ATP9B: variants seen among roughly 807,000 people sequenced by gnomAD.
ATP9B encodes ATPase phospholipid transporting 9B.
Under a neutral mutation model 146.1 loss-of-function variants are expected in ATP9B, and 110 were observed. That is an observed-to-expected ratio of 0.75 (90% CI 0.65 to 0.88). The LOEUF (loss-of-function observed/expected upper bound fraction) is 0.88, where lower values mean the gene tolerates loss of function less well. Among genes scored for constraint, ATP9B ranks in the 40% least tolerant of loss-of-function variants. ATP9B has a pLI of 0.00. For missense variants in ATP9B, 1,499 were observed against 1,496.4 expected (o/e 1.00, Z -0.03); for synonymous variants, 604 against 569.7 (o/e 1.06, Z -0.86).
chr18:79,088,898 A>G (rs1049892522), intron 1 of ATP9B, among the ~76,000 whole-genome samples: 27 of 152,228 alleles, frequency 1.8e-4, no homozygotes, highest in African/African-American at 6.3e-4. Flanking sequence ...CAGAAATAAA[A>G]AGCTTTCAAT....
intron 11 of ATP9B, among the ~76,000 whole-genome samples, chr18:79,216,692 CTTCTT>C (rs1175416573): frequency 1.3e-5 from 2 of 152,196 alleles, no homozygotes; most frequent in East Asian, 1.9e-4. Flanking sequence ...TTCTCTCCCT[CTTCTT>C]TTCTTTTCCC....
intron 12 of ATP9B, among the ~76,000 whole-genome samples, chr18:79,262,455 G>A (rs2096153060): frequency 6.6e-6 from 1 of 151,980 alleles, no homozygotes; most frequent in Admixed American, 6.6e-5. Flanking sequence ...AATAGTGCTG[G>A]GGAACAGAGA....
At chr18:79,337,542 G>C (rs952926517) in intron 19 of ATP9B, 93 bp downstream of exon 19, 10 of 1,490,972 alleles carry the variant, frequency 6.7e-6, no homozygotes, top group Admixed American at 2.2e-5. Flanking sequence ...ACTCCTGTGG[G>C]GTCATGGATG....
At chr18:79,069,944 AAC>A (rs1203647802) in intron 1 of ATP9B, among the ~76,000 whole-genome samples, 2 of 152,226 alleles carry the variant, frequency 1.3e-5, no homozygotes, top group African/African-American at 2.4e-5. Flanking sequence ...CTTTGTTAAA[AAC>A]ACACTTCTTA....
At chr18:79,086,701 A>T (rs2073868546) in intron 1 of ATP9B, among the ~76,000 whole-genome samples, 1 of 152,116 alleles carries the variant, frequency 6.6e-6, no homozygotes, top group Admixed American at 6.5e-5. Flanking sequence ...TTCTCAATTT[A>T]TGTATAGCAG....
chr18:79,348,008 G>C, intron 24 of ATP9B, 83 bp downstream of exon 24: 1 of 1,599,080 alleles, frequency 6.3e-7, no homozygotes, highest in Non-Finnish European at 8.5e-7. Context: ...CCGGGAGTGG[G>C]GGTGCTGAGT....
chr18:79,355,935 G>A (rs2096949804), intron 25 of ATP9B, among the ~76,000 whole-genome samples: 1 of 152,220 alleles, frequency 6.6e-6, no homozygotes. Context: ...AAGTGCCGGA[G>A]AAAGGCCTCA....
At chr18:79,258,884 A>G (rs2096112117) in intron 12 of ATP9B, among the ~76,000 whole-genome samples, 1 of 152,232 alleles carries the variant, frequency 6.6e-6, no homozygotes, top group Non-Finnish European at 1.5e-5. Flanking sequence ...GATTTGGGAA[A>G]TTAAAGTTCA....
At chr18:79,121,115 A>C (rs1055805129) in intron 4 of ATP9B, among the ~76,000 whole-genome samples, 1 of 152,238 alleles carries the variant, frequency 6.6e-6, no homozygotes, top group Non-Finnish European at 1.5e-5. Flanking sequence ...CATTTAGGAT[A>C]CTTGGAAAAG....
At chr18:79,311,930 G>A (rs2096654689) in intron 15 of ATP9B, among the ~76,000 whole-genome samples, 1 of 152,192 alleles carries the variant, frequency 6.6e-6, no homozygotes, top group Non-Finnish European at 1.5e-5. Context: ...TCTGTCCCCG[G>A]TGTGGCTGGG....
intron 8 of ATP9B, among the ~76,000 whole-genome samples, chr18:79,186,622 G>A (rs1036364548): frequency 6.6e-6 from 1 of 152,154 alleles, no homozygotes; most frequent in Non-Finnish European, 1.5e-5. Context: ...TCACTTGACT[G>A]CTTATTAAAC....
At chr18:79,231,776 GTGTATA>G (rs1341086605) in intron 11 of ATP9B, among the ~76,000 whole-genome samples, 12 of 94,996 alleles carry the variant, frequency 1.3e-4, no homozygotes, top group South Asian at 1.2e-3. Context: ...ATGTGTGTGT[GTGTATA>G]TATATATATA....
At position 79,213,849 on chromosome 18, in the gene ATP9B, A is replaced by G. The variant is rs1301709060; in HGVS notation, c.1031-113A>G. 1.2e-5 allele frequency: 9 copies of G among 778,312 alleles called. No individual in the cohort carries two copies. In the East Asian group the frequency reaches 2.9e-4, roughly 25 times the overall value. 48.2% of individuals were successfully genotyped at this position (778,312 alleles called of 1,614,324 possible). On this transcript the variant is annotated intron_variant, in intron 10 of 29. Coordinates refer to ENST00000426216, the MANE Select transcript of ATP9B (RefSeq NM_198531.5). The stretch of plus-strand genomic sequence containing the variant: ...ATTAAATACACTGTTGGATAAATTT[A>G]TATAAAATCAAATAGTGTGATAATA...
At chr18:79,145,370 GC>G (rs2094570807) in intron 6 of ATP9B, 1 of 119,358 alleles carries the variant, frequency 8.4e-6, no homozygotes, top group Non-Finnish European at 1.6e-5. Flanking sequence ...GGGGGAGCTG[GC>G]GGTGTGCAGA....
At chr18:79,185,523 A>G (rs2095299445) in intron 8 of ATP9B, among the ~76,000 whole-genome samples, 2 of 152,204 alleles carry the variant, frequency 1.3e-5, no homozygotes, top group Non-Finnish European at 2.9e-5. Flanking sequence ...AAAACATTTT[A>G]ATTTTTGCTG....
intron 5 of ATP9B, among the ~76,000 whole-genome samples, chr18:79,143,062 A>G (rs1041598397): frequency 6.6e-6 from 1 of 152,154 alleles, no homozygotes; most frequent in African/African-American, 2.4e-5. Flanking sequence ...AGTGAGGGAA[A>G]GAGGTTGGGA....
chr18:79,226,699 A>G (rs1399062534), intron 11 of ATP9B, among the ~76,000 whole-genome samples: 2 of 152,234 alleles, frequency 1.3e-5, no homozygotes, highest in East Asian at 3.8e-4. Flanking sequence ...ACAAGAAGCC[A>G]GGAGGATCTG....
intron 11 of ATP9B, among the ~76,000 whole-genome samples, chr18:79,252,111 A>C (rs1209375472): frequency 1.3e-5 from 2 of 152,246 alleles, no homozygotes; most frequent in Non-Finnish European, 2.9e-5. Context: ...CTCAAGTCAC[A>C]CATTTAGTAA....
At chr18:79,294,416 TGCCTCGCCA>T (rs2096532711) in intron 13 of ATP9B, among the ~76,000 whole-genome samples, 1 of 152,212 alleles carries the variant, frequency 6.6e-6, no homozygotes, top group Non-Finnish European at 1.5e-5. Flanking sequence ...CACGGAACCT[TGCCTCGCCA>T]GCCTTGCCCA....
Sources: gnomAD v4.1 joint callset for allele counts (sites outside exome capture counted in the v4.1 genomes callset) on GRCh38, gnomAD v4.1.1 for gene constraint, MANE v1.5 for transcripts, NCBI Gene and HGNC (gene_info 2026-07-23, HGNC 2026-07-21) for gene names.